The following PIN4 variants were observed in gnomAD, a reference collection of about 807,000 sequenced individuals.
The protein encoded by PIN4 is peptidylprolyl cis/trans isomerase, NIMA-interacting 4, also known as peptidyl-prolyl cis-trans isomerase NIMA-interacting 4.
PIN4 carries 3 observed loss-of-function variants against 8.3 expected under a neutral mutation model. That is an observed-to-expected ratio of 0.36 (90% CI 0.16 to 0.93). PIN4 has a LOEUF of 0.93. Ranked by LOEUF, PIN4 falls within the 40% of genes least tolerant of loss-of-function variation. The probability of loss-of-function intolerance (pLI) is 0.44; values close to 1 mark genes in which losing one functional copy is unlikely to be tolerated. For missense variants in PIN4, 75 were observed against 100.6 expected, an observed-to-expected ratio of 0.75 and a Z score of 1.09; for synonymous variants, 18 against 32.5, an observed-to-expected ratio of 0.55 and a Z score of 1.52.
In PIN4 at chrX:72,186,451, T is replaced by C. The variant is rs6525591; in HGVS notation, c.44-10T>C. The C allele has an allele frequency of 0.33, 383,110 of 1,161,840 alleles. 55,306 individuals carry two copies. Among genetic ancestry groups the C allele is most frequent in the East Asian group, 0.99 (32,999 of 33,238 alleles). On this transcript the variant is annotated splice_polypyrimidine_tract_variant and intron_variant, in intron 1 of 3. Transcript: ENST00000373669. ...AGTTTAAATGAGTACCTGTCATCTC[T>C]TCTCTAAAGGGGGAGCAGCCTCTGG... is the stretch of plus-strand genomic sequence containing the variant.
At chrX:72,186,365 C>T (rs753850488) in intron 1 of PIN4, 96 bp from the exon 2 acceptor site, 7 of 601,980 alleles carry the variant, frequency 1.2e-5, no homozygotes, top group Non-Finnish European at 1.9e-5. Flanking sequence ...TGAAGTGTGG[C>T]GTTATGATGG....
intron 3 of PIN4, among the ~76,000 whole-genome samples, chrX:72,243,686 A>G (rs1414819748): frequency 8.9e-6 from 1 of 112,470 alleles, no homozygotes; most frequent in African/African-American, 3.2e-5. Flanking sequence ...CGGAAATATG[A>G]TAATGAGGCT....
At position 72,228,152 on chromosome X, in the gene PIN4, C is replaced by T. The variant is rs2042963931; in HGVS notation, c.312+31248C>T. Among the ~76,000 whole-genome samples the T allele has an allele frequency of 2.7e-5, 3 of 112,369 alleles. No individual in the cohort carries two copies. The Admixed American group carries it at 2.9e-4, about 11-fold the overall frequency. The stretch of plus-strand genomic sequence containing the variant: ...CGTTCCAGCCAATGGAAACTGGACA[C>T]AGCAGTAGGGTGGAAGCGTCAGTTT... On this transcript the variant is annotated intron_variant, in intron 3 of 3. Coordinates refer to the PIN4 transcript ENST00000423432.
intron 3 of PIN4, among the ~76,000 whole-genome samples, chrX:72,230,297 C>T (rs1327498955): frequency 9.0e-6 from 1 of 111,075 alleles, no homozygotes; most frequent in Non-Finnish European, 1.9e-5. Context: ...CAAGATAACC[C>T]CCCTCTGGCC....
chrX:72,254,773 T>C (rs1285685511), intron 3 of PIN4, among the ~76,000 whole-genome samples: 1 of 112,799 alleles, frequency 8.9e-6, no homozygotes, highest in Admixed American at 9.4e-5. Flanking sequence ...TCCTGTGTCA[T>C]TGCAGGCAAT....
intron 3 of PIN4, among the ~76,000 whole-genome samples, chrX:72,211,901 C>T (rs2042856552): frequency 8.9e-6 from 1 of 112,307 alleles, no homozygotes; most frequent in East Asian, 2.8e-4. Context: ...GCTGGCAAAA[C>T]TGCCCAGTTG....
rs1015466241 is a variant in PIN4, at chrX:72,205,070, C to G, written c.312+8166C>G. 1.2e-5 allele frequency: 14 copies of G among 1,208,707 alleles called. No homozygotes were observed. The Admixed American group carries it at 2.2e-4, about 19-fold the overall frequency. ...AAAGTCAAGAGCATAACTTCAGGAT[C>G]TGCACTTTTTATGTCAAGCGCTTTA... On this transcript the variant is annotated intron_variant, in intron 3 of 3. Transcript: ENST00000423432.
At chrX:72,196,603 C>T (rs1285182596) in intron 2 of PIN4, among the ~76,000 whole-genome samples, 182 bp from the exon 3 acceptor site, 1 of 109,827 alleles carries the variant, frequency 9.1e-6, no homozygotes, top group East Asian at 2.8e-4. Flanking sequence ...GACTCTGAGA[C>T]ATTGTCTTAA....
intron 1 of PIN4, chrX:72,186,176 T>G: frequency 3.0e-6 from 1 of 337,613 alleles, no homozygotes. Context: ...CCAACACAAA[T>G]TTGCAAACTT....
At chrX:72,191,544 C>G (rs1438659231) in intron 2 of PIN4, among the ~76,000 whole-genome samples, 1 of 97,145 alleles carries the variant, frequency 1.0e-5, no homozygotes, top group East Asian at 4.2e-4. Flanking sequence ...GAGTGAGACT[C>G]CATCTCAAAA....
chrX:72,207,770 C>T lies in PIN4; in HGVS notation c.312+10866C>T, dbSNP rs746565139. The stretch of plus-strand genomic sequence containing the variant: ...GGGTTGCTTGACTTTTTCTTCTGTA[C>T]GTCTTCTTTAGTCCTCCTGAGAAAA... On this transcript the variant is annotated intron_variant, in intron 3 of 3. Transcript: ENST00000423432. The T allele has an allele frequency of 3.3e-6, 4 of 1,209,009 alleles. No individual in the cohort carries two copies. The highest frequency in any genetic ancestry group is 3.5e-5 in the South Asian group (2 of 56,641).
At chrX:72,190,413 A>C (rs958340452) in intron 2 of PIN4, among the ~76,000 whole-genome samples, 5 of 111,713 alleles carry the variant, frequency 4.5e-5, no homozygotes, top group African/African-American at 6.5e-5. Flanking sequence ...TGAATGTATT[A>C]GATTATTGCA....
intron 3 of PIN4, among the ~76,000 whole-genome samples, chrX:72,223,606 C>G (rs1318139453): frequency 9.0e-6 from 1 of 110,594 alleles, no homozygotes; most frequent in African/African-American, 3.3e-5. Flanking sequence ...TCAGGCTGGT[C>G]TCAAACTCCT....
intron 2 of PIN4, among the ~76,000 whole-genome samples, chrX:72,190,943 A>C (rs1602427925): frequency 1.0e-5 from 1 of 95,731 alleles, no homozygotes. Flanking sequence ...ACAGAGCGAG[A>C]CTCCATCTCA....
At position 72,206,373 on chromosome X, in the gene PIN4, G is replaced by A. The variant is rs1255362939; in HGVS notation, c.312+9469G>A. The A allele has an allele frequency of 5.8e-6, 7 of 1,208,301 alleles. No homozygotes were observed. The South Asian group carries it at 7.1e-5, about 12-fold the overall frequency. ...TACCTGTACCTTTACCATCTTGCAA[G>A]GTGGTAACATTCACCTTTATACTGG... is the stretch of plus-strand genomic sequence containing the variant. On this transcript the variant is annotated intron_variant, in intron 3 of 3. Coordinates refer to the PIN4 transcript ENST00000423432.
In PIN4 at chrX:72,191,483, G is replaced by A. The variant is rs995533715; in HGVS notation, c.117+4949G>A. On this transcript the variant is annotated intron_variant, in intron 2 of 3. Transcript: ENST00000373669. ...GGAGAATCACTTGGACCCGAGAGGC[G>A]GAGGTTGCAGTGAGCTGAGATTGCG... Among the ~76,000 whole-genome samples the A allele has an allele frequency of 6.3e-5, 7 of 110,866 alleles. No individual in the cohort carries two copies. The East Asian group carries it at 2.0e-3, about 32-fold the overall frequency.
At chrX:72,189,102 C>T (rs758034354) in intron 2 of PIN4, among the ~76,000 whole-genome samples, 69 of 110,254 alleles carry the variant, frequency 6.3e-4, no homozygotes, top group African/African-American at 2.2e-3. Flanking sequence ...GAGTTTGAGG[C>T]GGCAGTGAGT....
intron 3 of PIN4, among the ~76,000 whole-genome samples, chrX:72,250,146 A>G (rs2043081117): frequency 9.1e-6 from 1 of 109,487 alleles, no homozygotes; most frequent in Non-Finnish European, 1.9e-5. Context: ...AAGCAGAGGT[A>G]GGCAAGTGGG....
intron 3 of PIN4, among the ~76,000 whole-genome samples, chrX:72,238,631 C>T (rs2147608989): frequency 8.9e-6 from 1 of 112,667 alleles, no homozygotes; most frequent in South Asian, 3.6e-4. Context: ...GGGTCATTTG[C>T]CCAAAAGAAG....
Sources: gnomAD v4.1 joint callset for allele counts (sites outside exome capture counted in the v4.1 genomes callset) on GRCh38, gnomAD v4.1.1 for gene constraint, MANE v1.5 for transcripts, NCBI Gene and HGNC (gene_info 2026-07-23, HGNC 2026-07-21) for gene names.